STK3: variants seen among roughly 807,000 people sequenced by gnomAD.
STK3 encodes the protein serine/threonine kinase 3, also known as serine/threonine-protein kinase 3.
In STK3, 41 loss-of-function variants were observed where a neutral mutation model predicts 58.0. That is an observed-to-expected ratio of 0.71 (90% CI 0.55 to 0.92). The LOEUF (loss-of-function observed/expected upper bound fraction) is 0.92, where lower values mean the gene tolerates loss of function less well. Among genes scored for constraint, STK3 ranks in the 40% least tolerant of loss-of-function variants. The probability of loss-of-function intolerance (pLI) is 0.00; values close to 1 mark genes in which losing one functional copy is unlikely to be tolerated. For synonymous variants in STK3, 170 were observed against 191.0 expected (o/e 0.89, Z 0.91); for missense variants, 479 against 602.7 (o/e 0.79, Z 2.15).
intron 1 of STK3, among the ~76,000 whole-genome samples, chr8:98,920,600 T>A (rs952999785): frequency 5.3e-5 from 8 of 152,176 alleles, no homozygotes; most frequent in African/African-American, 1.9e-4. Context: ...CATTGTAGGT[T>A]TTTCTCAGGG....
rs190252461 is a variant in STK3 at position 98,501,961 on chromosome 8, C to T, written c.1317+24781G>A. On this transcript the variant is annotated intron_variant, in intron 10 of 10. Coordinates refer to ENST00000419617, the MANE Select transcript of STK3 (RefSeq NM_006281.4). ...GTGAAGAAAGGCATTGGTAGCTTGA[C>T]GGCGATGGCATTGAATCTATAAATT... Among the ~76,000 whole-genome samples, 37 of 152,146 alleles carry T rather than the reference C, an allele frequency of 2.4e-4. 1 individual carries two copies. Among genetic ancestry groups the T allele is most frequent in the Admixed American group, 7.9e-4 (12 of 15,284 alleles).
intron 3 of STK3, chr8:98,427,738 G>C: frequency 2.4e-6 from 1 of 409,954 alleles, no homozygotes; most frequent in Non-Finnish European, 4.3e-6. Context: ...GAGACCCCTG[G>C]GGTGGAGCTG....
intron 10 of STK3, among the ~76,000 whole-genome samples, chr8:98,502,755 G>T (rs775035338): frequency 3.3e-5 from 5 of 152,110 alleles, no homozygotes; most frequent in Admixed American, 3.3e-4. Context: ...GGATGAAGCT[G>T]ACTTGATCAT....
At chr8:98,753,306 G>A (rs902089955) in intron 3 of STK3, among the ~76,000 whole-genome samples, 2 of 152,162 alleles carry the variant, frequency 1.3e-5, no homozygotes, top group Admixed American at 1.3e-4. Context: ...AAAGAACAAA[G>A]TCATGTCCTT....
At chr8:98,429,202 T>C (rs753432079) in intron 3 of STK3, 1 of 1,614,050 alleles carries the variant, frequency 6.2e-7, no homozygotes, top group East Asian at 2.2e-5. Flanking sequence ...CCCATCACCT[T>C]GATCTTCAAT....
chr8:98,587,279 G>A (rs1814717939), intron 7 of STK3, among the ~76,000 whole-genome samples: 1 of 152,010 alleles, frequency 6.6e-6, no homozygotes, highest in African/African-American at 2.4e-5. Flanking sequence ...ATGCGTCCCA[G>A]AGATTCTGGT....
intron 6 of STK3, among the ~76,000 whole-genome samples, chr8:98,695,008 A>G (rs1824751283): frequency 2.0e-5 from 3 of 152,182 alleles, no homozygotes; most frequent in South Asian, 2.1e-4. Context: ...CCTCTCCAGC[A>G]CCTGTTGTTT....
intron 10 of STK3, among the ~76,000 whole-genome samples, chr8:98,482,981 T>A (rs939495805): frequency 1.3e-5 from 2 of 152,214 alleles, no homozygotes; most frequent in South Asian, 4.1e-4. Flanking sequence ...TTGTTTCTTT[T>A]CTGATTATTA....
chr8:98,510,646 C>T (rs187322334), intron 10 of STK3, among the ~76,000 whole-genome samples: 2 of 151,962 alleles, frequency 1.3e-5, no homozygotes, highest in Admixed American at 1.3e-4. Flanking sequence ...AAGGTAAATA[C>T]ATCAATTTAA....
chr8:98,591,573 TTTTAAC>T (rs1482589452), intron 7 of STK3, among the ~76,000 whole-genome samples: 3 of 152,356 alleles, frequency 2.0e-5, no homozygotes, highest in South Asian at 4.1e-4. Flanking sequence ...TCATGTACCC[TTTTAAC>T]TTTATTAGCC....
At chr8:98,856,455 T>C (rs1035603383) in intron 3 of STK3, among the ~76,000 whole-genome samples, 11 of 151,726 alleles carry the variant, frequency 7.2e-5, no homozygotes, top group Non-Finnish European at 1.5e-4. Context: ...CATGAAAAAA[T>C]GGTTGACATC....
chr8:98,704,584 G>A (rs1825842248), intron 6 of STK3, among the ~76,000 whole-genome samples: 1 of 151,452 alleles, frequency 6.6e-6, no homozygotes, highest in African/African-American at 2.4e-5. Context: ...AAAAAACAGT[G>A]AGCAAGGCAT....
chr8:98,749,509 T>G (rs929210810), intron 3 of STK3, 119 bp from the exon 4 acceptor site: 1 of 475,630 alleles, frequency 2.1e-6, no homozygotes, highest in African/African-American at 2.0e-5. Context: ...ATAAGTAAAT[T>G]TCTATTGCAC....
At chr8:98,745,767 C>A (rs1381683640) in intron 4 of STK3, among the ~76,000 whole-genome samples, 2 of 151,936 alleles carry the variant, frequency 1.3e-5, no homozygotes, top group Non-Finnish European at 2.9e-5. Context: ...AGGACCATAT[C>A]CTAGATGTAA....
intron 3 of STK3, 86 bp downstream of exon 3, chr8:98,767,157 A>T: frequency 7.2e-7 from 1 of 1,382,674 alleles, no homozygotes; most frequent in Non-Finnish European, 9.6e-7. Context: ...AAAACTAAAC[A>T]GATGATCAAA....
At chr8:98,464,111 TG>T (rs1005472867) in intron 10 of STK3, among the ~76,000 whole-genome samples, 2 of 152,178 alleles carry the variant, frequency 1.3e-5, no homozygotes, top group African/African-American at 4.8e-5. Context: ...TTGCTAATAC[TG>T]TATCCTGACT....
chr8:98,583,127 T>A lies in STK3; in HGVS notation c.823-3338A>T, dbSNP rs184439428. Among the ~76,000 whole-genome samples the A allele has an allele frequency of 5.2e-3, 790 of 152,078 alleles. 5 individuals are homozygous for A. Among genetic ancestry groups the A allele is most frequent in the Non-Finnish European group, 6.7e-3 (458 of 67,952 alleles). ...ATTGCCTGTTTTTAACTTTTTTTTTTAAATAAAAACAGACAATTGAAACAT... is the reference window on the plus strand; with the variant it reads ...ATTGCCTGTTTTTAACTTTTTTTTTAAAATAAAAACAGACAATTGAAACAT... On this transcript the variant is annotated intron_variant, in intron 7 of 10. Transcript: ENST00000419617.
chr8:98,731,037 C>T (rs145240390), intron 4 of STK3, among the ~76,000 whole-genome samples: 1 of 152,322 alleles, frequency 6.6e-6, no homozygotes, highest in East Asian at 1.9e-4. Context: ...AGAGTACATA[C>T]ATATTCAACG....
At chr8:98,415,038 A>C (rs1448685121) in intron 3 of STK3, among the ~76,000 whole-genome samples, 1 of 152,326 alleles carries the variant, frequency 6.6e-6, no homozygotes, top group East Asian at 1.9e-4. Flanking sequence ...GAGGTGATTA[A>C]ATCATGAGGG....
Sources: allele counts gnomAD v4.1 joint callset (sites outside exome capture counted in the v4.1 genomes callset), GRCh38; gene constraint gnomAD v4.1.1; transcripts MANE v1.5; gene names NCBI Gene and HGNC (gene_info 2026-07-23, HGNC 2026-07-21).